Variants in GEMIN2 observed in about 807,000 individuals in gnomAD.
GEMIN2 encodes the protein gem-associated protein 2.
A neutral mutation model predicts 45.8 loss-of-function variants in GEMIN2; 37 were observed. That is an observed-to-expected ratio of 0.81 (90% CI 0.62 to 1.06). The LOEUF (loss-of-function observed/expected upper bound fraction) is 1.06, where lower values mean the gene tolerates loss of function less well. Among genes scored for constraint, GEMIN2 ranks in the 50% least tolerant of loss-of-function variants. GEMIN2 has a pLI of 0.00. For missense variants in GEMIN2, 335 were observed against 321.8 expected (o/e 1.04, Z -0.31); for synonymous variants, 101 against 111.5 (o/e 0.91, Z 0.60).
At chr14:39,114,965 C>G (rs779253147) in intron 2 of GEMIN2, 52 bp downstream of exon 2, 3 of 834,070 alleles carry the variant, frequency 3.6e-6, no homozygotes, top group Non-Finnish European at 6.4e-6. Flanking sequence ...AATTAAAAGA[C>G]TAACGCTCTT....
chr14:39,127,346 T>TG (rs1369715960), intron 6 of GEMIN2, among the ~76,000 whole-genome samples: 1 of 137,538 alleles, frequency 7.3e-6, no homozygotes, highest in Non-Finnish European at 1.6e-5. Flanking sequence ...GTTTTTTTTT[T>TG]TTTTTTTTTT....
At chr14:39,115,864 G>A (rs911318147) in intron 2 of GEMIN2, among the ~76,000 whole-genome samples, 2 of 151,982 alleles carry the variant, frequency 1.3e-5, no homozygotes, top group African/African-American at 4.8e-5. Flanking sequence ...ATTCAACAGA[G>A]GGTAAGACAA....
intron 9 of GEMIN2, among the ~76,000 whole-genome samples, chr14:39,135,925 T>C (rs531666458): frequency 6.6e-6 from 1 of 152,248 alleles, no homozygotes; most frequent in African/African-American, 2.4e-5. Context: ...TGTTTCTTTT[T>C]AAAAGTATAA....
chr14:39,122,867 G>T (rs978059841), intron 5 of GEMIN2, among the ~76,000 whole-genome samples: 1 of 152,012 alleles, frequency 6.6e-6, no homozygotes, highest in Non-Finnish European at 1.5e-5. Flanking sequence ...ACTTTTTTTA[G>T]TTTGGCTTCA....
chr14:39,117,401 G>T (rs17617289), intron 2 of GEMIN2, among the ~76,000 whole-genome samples: 44,547 of 151,698 alleles, frequency 0.29, 7,668 homozygotes, highest in Non-Finnish European at 0.38. Context: ...GCTTTATCAC[G>T]CAGGCACAAT....
chr14:39,122,679 T>A (rs1247660601), intron 5 of GEMIN2, 136 bp downstream of exon 5: 2 of 493,284 alleles, frequency 4.1e-6, no homozygotes, highest in Non-Finnish European at 7.3e-6. Flanking sequence ...AAGGATTGTT[T>A]TTAGGTTTTG....
At chr14:39,121,389 T>C (rs747491100) in intron 4 of GEMIN2, among the ~76,000 whole-genome samples, 4 of 152,184 alleles carry the variant, frequency 2.6e-5, no homozygotes, top group Non-Finnish European at 5.9e-5. Context: ...TTAAAAATTA[T>C]CAGGCATGGT....
chr14:39,117,614 T>G (rs1042467327), intron 2 of GEMIN2, among the ~76,000 whole-genome samples: 1 of 152,200 alleles, frequency 6.6e-6, no homozygotes, highest in African/African-American at 2.4e-5. Context: ...TAGAACTCAT[T>G]CCTTCTAACT....
At chr14:39,121,970 C>T (rs938152242) in intron 4 of GEMIN2, 1 of 176,542 alleles carries the variant, frequency 5.7e-6, no homozygotes. Flanking sequence ...GATCGCCTGC[C>T]TCGGCCTCCC....
chr14:39,118,603 T>A lies in GEMIN2; in HGVS notation c.372+4T>A, dbSNP rs189184432. The A allele has an allele frequency of 3.0e-6, 4 of 1,341,782 alleles. No homozygotes were observed. Among genetic ancestry groups the A allele is most frequent in the African/African-American group, 1.4e-5 (1 of 70,062 alleles). 83.1% of individuals were successfully genotyped at this position (1,341,782 alleles called of 1,614,324 possible). On this transcript the variant is annotated splice_donor_region_variant and intron_variant, in intron 4 of 9. Coordinates refer to ENST00000308317, the MANE Select transcript of GEMIN2 (RefSeq NM_003616.3). ...GTTGGATAGTAATGTGACAATGGTA[T>A]GTAAGTTTCTCAGTTTTAAGATGTA...
chr14:39,131,215 T>G (rs2139356049), intron 7 of GEMIN2, among the ~76,000 whole-genome samples: 2 of 152,170 alleles, frequency 1.3e-5, no homozygotes, highest in East Asian at 3.9e-4. Flanking sequence ...GAGAATTGCT[T>G]GAACCCGGGA....
intron 1 of GEMIN2, 21 bp downstream of exon 1, chr14:39,114,496 C>A (rs895488775): frequency 1.3e-6 from 2 of 1,596,190 alleles, no homozygotes; most frequent in African/African-American, 2.7e-5. Flanking sequence ...CGGCCCTGGG[C>A]GGGTGGGCTG....
At chr14:39,115,719 T>G (rs911286050) in intron 2 of GEMIN2, among the ~76,000 whole-genome samples, 1 of 152,032 alleles carries the variant, frequency 6.6e-6, no homozygotes, top group Non-Finnish European at 1.5e-5. Context: ...CCTCCCAAAC[T>G]GCTGGGATTA....
intron 8 of GEMIN2, among the ~76,000 whole-genome samples, chr14:39,132,431 T>TGAGGCAGGAGAATCGTTCG (rs1204639146): frequency 6.6e-6 from 1 of 151,988 alleles, no homozygotes; most frequent in African/African-American, 2.4e-5. Flanking sequence ...CTCAGGAGGC[T>TGAGGCAGGAGAATCGTTCG]GAGGCAGGAG....
At chr14:39,127,503 C>T (rs969097960) in intron 6 of GEMIN2, among the ~76,000 whole-genome samples, 2 of 151,126 alleles carry the variant, frequency 1.3e-5, no homozygotes, top group Admixed American at 6.6e-5. Flanking sequence ...CCACCATGCC[C>T]GGCTAATTTT....
intron 7 of GEMIN2, among the ~76,000 whole-genome samples, chr14:39,130,211 T>C (rs1484554821): frequency 6.6e-6 from 1 of 152,070 alleles, no homozygotes; most frequent in Non-Finnish European, 1.5e-5. Context: ...TTCCACAATT[T>C]GTAAAAGAAA....
chr14:39,117,784 A>G (rs1184104716), intron 2 of GEMIN2, among the ~76,000 whole-genome samples: 1 of 152,224 alleles, frequency 6.6e-6, no homozygotes, highest in Non-Finnish European at 1.5e-5. Flanking sequence ...TTCTCTGATT[A>G]AGGTGACTAA....
At chr14:39,128,419 T>C (rs2052673709) in intron 7 of GEMIN2, 71 bp downstream of exon 7, 1 of 747,810 alleles carries the variant, frequency 1.3e-6, no homozygotes, top group African/African-American at 1.8e-5. Flanking sequence ...GTGGGCCACA[T>C]ATACAATGGT....
intron 2 of GEMIN2, among the ~76,000 whole-genome samples, chr14:39,116,281 C>T (rs769093703): frequency 1.4e-4 from 22 of 152,172 alleles, no homozygotes; most frequent in Non-Finnish European, 2.1e-4. Context: ...AGTGATCTGC[C>T]TGCCTCTGCC....
Sources: allele counts gnomAD v4.1 joint callset (sites outside exome capture counted in the v4.1 genomes callset), GRCh38; gene constraint gnomAD v4.1.1; transcripts MANE v1.5; gene names NCBI Gene and HGNC (gene_info 2026-07-23, HGNC 2026-07-21).